Variants in NEK4 observed in about 807,000 individuals in gnomAD.
The protein encoded by NEK4 is NIMA related kinase 4.
NEK4 carries 86 observed loss-of-function variants against 98.4 expected under a neutral mutation model. The ratio of observed to expected loss-of-function variants is 0.87; its 90% CI spans 0.73 to 1.05. The LOEUF (loss-of-function observed/expected upper bound fraction) is 1.05. Among genes scored for constraint, NEK4 ranks in the 50% least tolerant of loss-of-function variants. NEK4 has a pLI of 0.00. For synonymous variants in NEK4, 328 were observed against 342.2 expected (o/e 0.96, Z 0.46); for missense variants, 898 against 950.3 (o/e 0.94, Z 0.72).
chr3:52,755,946 A>G (rs1484027193), intron 6 of NEK4, among the ~76,000 whole-genome samples: 2 of 152,182 alleles, frequency 1.3e-5, no homozygotes, highest in Non-Finnish European at 2.9e-5. Flanking sequence ...TTACAATAGT[A>G]TCAAAAATAA....
intron 15 of NEK4, among the ~76,000 whole-genome samples, chr3:52,716,400 G>A (rs949601705): frequency 6.6e-6 from 1 of 152,202 alleles, no homozygotes; most frequent in Non-Finnish European, 1.5e-5. Flanking sequence ...AAGAAATCGA[G>A]AGAATGAATT....
intron 6 of NEK4, among the ~76,000 whole-genome samples, chr3:52,757,627 C>G (rs1698168202): frequency 6.6e-6 from 1 of 151,746 alleles, no homozygotes; most frequent in Middle Eastern, 3.5e-3. Flanking sequence ...TTCATAGCAG[C>G]GTTATTCACA....
intron 15 of NEK4, among the ~76,000 whole-genome samples, chr3:52,728,793 C>T (rs1389857964): frequency 6.6e-6 from 1 of 152,080 alleles, no homozygotes; most frequent in Non-Finnish European, 1.5e-5. Context: ...ATAATTAATA[C>T]CCTGGGGAAG....
chr3:52,746,162 TC>T lies in NEK4; in HGVS notation c.1725del (p.Val577TrpfsTer21), dbSNP rs760185545. ...PRFLPSHPIV[G>X]KVDVTSTQKE... The stretch of plus-strand genomic sequence containing the variant: ...TTTTGTGTTGATGTGACATCCACTT[TC>T]CCAACAATGGGATGAGAAGGCAAAA... On this transcript the variant is annotated frameshift_variant, in exon 10 of 16. Coordinates refer to ENST00000233027, the MANE Select transcript of NEK4 (RefSeq NM_003157.6). LOFTEE classifies it high-confidence loss of function. The T allele has an allele frequency of 6.2e-7, 1 of 1,614,150 alleles. No homozygotes were observed. The highest frequency in any genetic ancestry group is 8.5e-7 in the Non-Finnish European group (1 of 1,179,982).
rs1698748463 is a variant in NEK4, at chr3:52,770,684, C to T, written c.63G>A (p.Thr21=). ...TGCCGTCCCGCCGGTGCTTCACAAG[C>T]GTCACCTCTCCATAGCTCCCCTTGC... ...VVGKGSYGEV[T]LVKHRRDGKQ... is the part of the protein sequence containing the mutation. The change falls in exon 1 of 16, where the codon ACG becomes ACA. Residue 21 remains threonine, a synonymous_variant. Transcript: ENST00000233027. 2 of 1,573,400 alleles carry T rather than the reference C, an allele frequency of 1.3e-6. No individual in the cohort carries two copies. The highest frequency in any genetic ancestry group is 1.8e-5 in the Admixed American group (1 of 54,568).
chr3:52,763,655 C>G, intron 4 of NEK4, 31 bp from the exon 5 acceptor site: 1 of 1,514,798 alleles, frequency 6.6e-7, no homozygotes, highest in Non-Finnish European at 9.0e-7. Context: ...GTAATTATGA[C>G]TAATGGTCTT....
At chr3:52,755,273 T>G (rs890810708) in intron 6 of NEK4, among the ~76,000 whole-genome samples, 1 of 151,736 alleles carries the variant, frequency 6.6e-6, no homozygotes, top group Non-Finnish European at 1.5e-5. Context: ...GAATAGAAAA[T>G]TATTGCTCAA....
chr3:52,748,989 A>C (rs2097400747), intron 8 of NEK4, among the ~76,000 whole-genome samples: 2 of 151,876 alleles, frequency 1.3e-5, no homozygotes, highest in African/African-American at 4.8e-5. Flanking sequence ...CGAGAGGGTA[A>C]GATTGGAGGA....
intron 2 of NEK4, among the ~76,000 whole-genome samples, chr3:52,767,882 G>C (rs1698635076): frequency 6.6e-6 from 1 of 152,148 alleles, no homozygotes; most frequent in Non-Finnish European, 1.5e-5. Flanking sequence ...TCCATCTTAA[G>C]GAATGATGTG....
intron 15 of NEK4, among the ~76,000 whole-genome samples, chr3:52,720,264 T>C (rs2577833): frequency 6.6e-6 from 1 of 151,362 alleles, no homozygotes; most frequent in African/African-American, 2.4e-5. Flanking sequence ...GAGATGGAGG[T>C]TGTAGTGAGC....
At chr3:52,765,539 G>C (rs773415975) in intron 4 of NEK4, among the ~76,000 whole-genome samples, 1 of 152,148 alleles carries the variant, frequency 6.6e-6, no homozygotes. Flanking sequence ...AGTTCAAACA[G>C]AGTAAACTCA....
At chr3:52,755,494 T>G (rs1239432994) in intron 6 of NEK4, among the ~76,000 whole-genome samples, 4 of 151,474 alleles carry the variant, frequency 2.6e-5, no homozygotes, top group African/African-American at 9.7e-5. Context: ...CACCTTTTCA[T>G]GATTAAAAAA....
intron 8 of NEK4, chr3:52,747,380 G>A (rs1161344242): frequency 1.3e-5 from 2 of 157,910 alleles, no homozygotes; most frequent in African/African-American, 2.4e-5. Context: ...GCTTGAACCC[G>A]GGAGGGGGAG....
rs918662394 is a variant in NEK4 at position 52,741,392 on chromosome 3, C to G, written c.2093+19G>C. On this transcript the variant is annotated intron_variant, in intron 13 of 15. Coordinates refer to ENST00000233027, the MANE Select transcript of NEK4 (RefSeq NM_003157.6). ...AACAGAAATAGTTTATAAAGGGAGA[C>G]AGAAAAACAAGAACTTACCCTTCCC... is the stretch of plus-strand genomic sequence containing the variant. The G allele has an allele frequency of 6.9e-7, 1 of 1,455,624 alleles. No individual in the cohort carries two copies. Among genetic ancestry groups the G allele is most frequent in the African/African-American group, 1.4e-5 (1 of 71,800 alleles). The allele number at this position is 1,455,624 out of a possible 1,614,324, so 90.2% of individuals were successfully genotyped here. A position where few individuals can be genotyped will look rare whatever the true frequency, so the allele number is the denominator to read the frequency against.
In NEK4 at chr3:52,711,651, A is replaced by G; in HGVS notation, c.*126T>C. ...ATTTCTTTTCTGTAGGGAAACGCCA[A>G]AGAGATATAAAAAAGAGATATAAAA... On this transcript the variant is annotated 3_prime_UTR_variant, in exon 16 of 16. Coordinates refer to ENST00000233027, the MANE Select transcript of NEK4 (RefSeq NM_003157.6). The G allele has an allele frequency of 1.5e-6, 1 of 645,206 alleles. No homozygotes were observed. The highest frequency in any genetic ancestry group is 2.1e-5 in the South Asian group (1 of 48,590). The allele number at this position is 645,206 out of a possible 1,614,324, so 40.0% of individuals were successfully genotyped here. A position where few individuals can be genotyped will look rare whatever the true frequency, so the allele number is the denominator to read the frequency against.
chr3:52,741,820 G>A (rs572985372), intron 12 of NEK4, among the ~76,000 whole-genome samples: 211 of 151,366 alleles, frequency 1.4e-3, no homozygotes, highest in South Asian at 4.6e-3. Flanking sequence ...TTGCTCTGTC[G>A]CCAGGCTAGA....
chr3:52,744,186 C>G (rs2097391570), intron 11 of NEK4, 53 bp downstream of exon 11: 3 of 1,319,334 alleles, frequency 2.3e-6, no homozygotes, highest in Non-Finnish European at 3.3e-6. Context: ...TGTTTCTGTC[C>G]ACGAACCATA....
intron 14 of NEK4, among the ~76,000 whole-genome samples, chr3:52,738,160 A>G (rs1040289848): frequency 9.3e-5 from 14 of 151,312 alleles, no homozygotes; most frequent in African/African-American, 3.4e-4. Context: ...ATAGGGATGT[A>G]GTGCAGTGTG....
At chr3:52,737,825 T>A (rs999679460) in intron 14 of NEK4, 106 bp from the exon 15 acceptor site, 3 of 861,522 alleles carry the variant, frequency 3.5e-6, no homozygotes, top group East Asian at 5.7e-5. Flanking sequence ...TTATTTATTT[T>A]ATTTTTGAGA....
Sources: gnomAD v4.1 joint callset for allele counts (sites outside exome capture counted in the v4.1 genomes callset) on GRCh38, gnomAD v4.1.1 for gene constraint, MANE v1.5 for transcripts, NCBI Gene and HGNC (gene_info 2026-07-23, HGNC 2026-07-21) for gene names.